Variants in PDE10A observed in about 807,000 individuals in gnomAD.
PDE10A encodes cAMP and cAMP-inhibited cGMP 3',5'-cyclic phosphodiesterase 10A.
A neutral mutation model predicts 97.7 loss-of-function variants in PDE10A; 39 were observed. The ratio of observed to expected loss-of-function variants is 0.40; its 90% CI spans 0.31 to 0.52. The LOEUF (loss-of-function observed/expected upper bound fraction) is 0.52, where lower values mean the gene tolerates loss of function less well. PDE10A is among the 20% of genes least tolerant of loss of function. The probability of loss-of-function intolerance (pLI) is 0.56; values close to 1 mark genes in which losing one functional copy is unlikely to be tolerated. For missense variants in PDE10A, 731 were observed against 1,047.8 expected, an observed-to-expected ratio of 0.70 and a Z score of 4.17; for synonymous variants, 371 against 376.8, an observed-to-expected ratio of 0.98 and a Z score of 0.18.
chr6:165,391,826 T>C (rs1043416341), intron 16 of PDE10A, among the ~76,000 whole-genome samples: 1 of 152,194 alleles, frequency 6.6e-6, no homozygotes, highest in African/African-American at 2.4e-5. Context: ...AGTACTAGAT[T>C]CTAGTTTAAA....
intron 1 of PDE10A, among the ~76,000 whole-genome samples, chr6:165,761,116 C>T (rs556915170): frequency 9.2e-5 from 14 of 152,252 alleles, no homozygotes; most frequent in East Asian, 3.9e-4. Context: ...GTGGGAAACC[C>T]GCTAGCAGGA....
intron 13 of PDE10A, among the ~76,000 whole-genome samples, chr6:165,404,422 AAAAT>A (rs1470391732): frequency 3.9e-5 from 6 of 152,098 alleles, no homozygotes; most frequent in Non-Finnish European, 5.9e-5. Context: ...CTATGGGTAG[AAAAT>A]AAATAGTCTC....
chr6:165,913,360 A>G (rs1782517191), intron 1 of PDE10A, among the ~76,000 whole-genome samples: 1 of 151,934 alleles, frequency 6.6e-6, no homozygotes, highest in Non-Finnish European at 1.5e-5. Flanking sequence ...TACAGATAAC[A>G]AAATCCTCAG....
At chr6:165,599,384 C>T (rs1318326460) in intron 1 of PDE10A, among the ~76,000 whole-genome samples, 1 of 152,168 alleles carries the variant, frequency 6.6e-6, no homozygotes, top group Admixed American at 6.5e-5. Context: ...GCAGAGTGCC[C>T]GTATAGTTTT....
At chr6:165,826,058 C>T (rs574066228) in intron 1 of PDE10A, among the ~76,000 whole-genome samples, 3 of 152,348 alleles carry the variant, frequency 2.0e-5, no homozygotes, top group East Asian at 3.9e-4. Flanking sequence ...TTCTTTATCA[C>T]GCCAGGATGG....
chr6:165,461,080 G>A (rs1778299110), intron 3 of PDE10A, among the ~76,000 whole-genome samples: 1 of 110,686 alleles, frequency 9.0e-6, no homozygotes, highest in African/African-American at 3.8e-5. Flanking sequence ...ATTAGAAAAT[G>A]GGCACAGAGC....
At chr6:165,394,195 C>T (rs1040532205) in intron 15 of PDE10A, among the ~76,000 whole-genome samples, 2 of 152,078 alleles carry the variant, frequency 1.3e-5, no homozygotes, top group Non-Finnish European at 2.9e-5. Context: ...TTTGCTATTT[C>T]TCCTAATGCT....
chr6:165,495,436 A>G (rs1413803319), intron 2 of PDE10A, among the ~76,000 whole-genome samples: 1 of 152,134 alleles, frequency 6.6e-6, no homozygotes, highest in Non-Finnish European at 1.5e-5. Flanking sequence ...TTTCTAGCCA[A>G]ATTAATCAGC....
chr6:165,588,299 T>G (rs1325802714), intron 1 of PDE10A, among the ~76,000 whole-genome samples: 2 of 147,730 alleles, frequency 1.4e-5, no homozygotes, highest in Non-Finnish European at 1.5e-5. Context: ...TTTTTTTTTT[T>G]TTTTTTTTGA....
At chr6:165,588,764 A>G (rs994290958) in intron 1 of PDE10A, among the ~76,000 whole-genome samples, 3 of 152,190 alleles carry the variant, frequency 2.0e-5, no homozygotes, top group African/African-American at 7.2e-5. Flanking sequence ...GGGTTCTGGG[A>G]GAAGACAGAT....
intron 1 of PDE10A, chr6:165,576,337 G>A: frequency 1.3e-6 from 1 of 772,434 alleles, no homozygotes; most frequent in South Asian, 1.4e-5. Flanking sequence ...CAGAGCTATA[G>A]AGTACTAGTT....
intron 1 of PDE10A, among the ~76,000 whole-genome samples, chr6:165,575,932 T>C (rs563944675): frequency 6.6e-6 from 1 of 151,540 alleles, no homozygotes; most frequent in African/African-American, 2.4e-5. Flanking sequence ...AAACCAACTT[T>C]CCAAATTGCT....
chr6:165,416,043 T>A lies in PDE10A; in HGVS notation c.1889+146A>T. On this transcript the variant is annotated intron_variant, in intron 12 of 21. Coordinates refer to ENST00000539869, the MANE Select transcript of PDE10A (RefSeq NM_001385079.1). ...ATAAATATCTGAATATACTGACTAT[T>A]GATAGCAGAGTTGGTTCAGAGAAGA... 3.5e-5 allele frequency: 22 copies of A among 636,678 alleles called. 1 individual carries two copies. In the South Asian group the frequency reaches 4.3e-4, roughly 12 times the overall value. The allele number at this position is 636,678 out of a possible 1,614,324, so 39.4% of individuals were successfully genotyped here. A position where few individuals can be genotyped will look rare whatever the true frequency, so the allele number is the denominator to read the frequency against.
At chr6:165,619,198 T>G (rs1158893638) in intron 1 of PDE10A, among the ~76,000 whole-genome samples, 1 of 121,526 alleles carries the variant, frequency 8.2e-6, no homozygotes, top group Non-Finnish European at 1.6e-5. Flanking sequence ...TCTAGTGTAG[T>G]GTAATGTAGT....
intron 2 of PDE10A, among the ~76,000 whole-genome samples, chr6:165,499,461 C>T (rs1780738966): frequency 6.6e-6 from 1 of 152,186 alleles, no homozygotes; most frequent in African/African-American, 2.4e-5. Flanking sequence ...GAATAGTCCA[C>T]AATGTTCAGC....
Position 165,428,712 on chromosome 6 carries a change from G to T in PDE10A, c.1602-3C>A. ...CAACTATGTTATCAAAATATGTTCT[G>T]AAAAAAAGAAACATAAATCCTGTAA... On this transcript the variant is annotated splice_region_variant and splice_polypyrimidine_tract_variant and intron_variant, in intron 9 of 21. Coordinates refer to ENST00000539869, the MANE Select transcript of PDE10A (RefSeq NM_001385079.1). 8.8e-7 allele frequency: 1 copy of T among 1,139,490 alleles called. No individual in the cohort carries two copies. The highest frequency in any genetic ancestry group is 1.3e-6 in the Non-Finnish European group (1 of 768,158). The allele number at this position is 1,139,490 out of a possible 1,614,324, so 70.6% of individuals were successfully genotyped here.
chr6:165,583,699 G>A (rs2128357672), intron 1 of PDE10A, among the ~76,000 whole-genome samples: 1 of 152,256 alleles, frequency 6.6e-6, no homozygotes, highest in Admixed American at 6.5e-5. Context: ...CAGGTAGGTG[G>A]GATATCTTGC....
chr6:165,409,329 C>G (rs1583221148), intron 13 of PDE10A, among the ~76,000 whole-genome samples: 4 of 152,174 alleles, frequency 2.6e-5, no homozygotes, highest in African/African-American at 7.2e-5. Context: ...GGCGGATCAC[C>G]TGACCTCAGG....
intron 1 of PDE10A, among the ~76,000 whole-genome samples, chr6:165,625,724 G>A (rs578144809): frequency 1.5e-4 from 23 of 151,676 alleles, no homozygotes; most frequent in South Asian, 2.1e-4. Flanking sequence ...CTCTCTTGCT[G>A]CCATGTAAGA....
Sources: gnomAD v4.1 joint callset for allele counts (sites outside exome capture counted in the v4.1 genomes callset) on GRCh38, gnomAD v4.1.1 for gene constraint, MANE v1.5 for transcripts, NCBI Gene and HGNC (gene_info 2026-07-23, HGNC 2026-07-21) for gene names.